The following SMIM36 variants were observed in gnomAD, a reference collection of about 807,000 sequenced individuals.
SMIM36 encodes small integral membrane protein 36.
chr17:55,527,613 A>G, the SMIM36 span: 1 of 152,172 alleles, frequency 6.6e-6, no homozygotes, highest in Non-Finnish European at 1.5e-5. Flanking sequence ...AATTTGAAGT[A>G]TCTTTTTCCT....
chr17:55,465,010 G>C (rs73318288), intron 4 of SMIM36, among the ~76,000 whole-genome samples: 12,315 of 152,236 alleles, frequency 0.081, 541 homozygotes, highest in South Asian at 0.14. Flanking sequence ...GATATCAGTC[G>C]ACTGTGTGAT....
chr17:55,522,533 G>A, the SMIM36 span, among the ~76,000 whole-genome samples: 6 of 152,186 alleles, frequency 3.9e-5, no homozygotes, highest in Admixed American at 1.3e-4. Flanking sequence ...TTGTGCAGGG[G>A]AACTCCCATT....
chr17:55,463,396 G>T (rs1909179073), intron 4 of SMIM36, among the ~76,000 whole-genome samples: 1 of 151,942 alleles, frequency 6.6e-6, no homozygotes. Flanking sequence ...CCTAAAAAAA[G>T]AAATAAAAAA....
intron 3 of SMIM36, among the ~76,000 whole-genome samples, chr17:55,478,449 C>T (rs903849225): frequency 6.6e-6 from 1 of 151,948 alleles, no homozygotes; most frequent in African/African-American, 2.4e-5. Flanking sequence ...AGGCTGATCT[C>T]GAACTCCTGG....
At chr17:55,525,917 C>T in the SMIM36 span, among the ~76,000 whole-genome samples, 10 of 152,240 alleles carry the variant, frequency 6.6e-5, no homozygotes, top group African/African-American at 2.4e-4. Context: ...CTCGACTTCT[C>T]AAACTGCTGG....
chr17:55,520,884 A>G, the SMIM36 span, among the ~76,000 whole-genome samples: 1 of 152,196 alleles, frequency 6.6e-6, no homozygotes, highest in Non-Finnish European at 1.5e-5. Context: ...TAATCCCAGC[A>G]TTTTGGGAGG....
intron 3 of SMIM36, among the ~76,000 whole-genome samples, chr17:55,470,141 C>G (rs1909317644): frequency 6.6e-6 from 1 of 152,152 alleles, no homozygotes; most frequent in African/African-American, 2.4e-5. Flanking sequence ...TAAGCCATGT[C>G]CCATCTGTGC....
chr17:55,509,541 A>G (rs1326011665), intron 1 of SMIM36, among the ~76,000 whole-genome samples: 1 of 152,132 alleles, frequency 6.6e-6, no homozygotes, highest in Admixed American at 6.5e-5. Context: ...CCTGCATCCT[A>G]TGCAGACTTC....
chr17:55,516,520 A>T, the SMIM36 span, among the ~76,000 whole-genome samples: 1 of 151,072 alleles, frequency 6.6e-6, no homozygotes, highest in Admixed American at 6.6e-5. Flanking sequence ...GCCAAAATGT[A>T]GGAAAGAGAA....
chr17:55,529,710 T>G, the SMIM36 span, among the ~76,000 whole-genome samples: 1 of 151,970 alleles, frequency 6.6e-6, no homozygotes, highest in African/African-American at 2.4e-5. Context: ...GAGGATCACT[T>G]GAGCCCAGAG....
intron 1 of SMIM36, among the ~76,000 whole-genome samples, chr17:55,489,239 G>T (rs575533554): frequency 3.3e-5 from 5 of 152,148 alleles, no homozygotes; most frequent in African/African-American, 9.6e-5. Flanking sequence ...TTAGCTAAGC[G>T]TGGTGGTGCA....
At chr17:55,531,600 T>G in the SMIM36 span, among the ~76,000 whole-genome samples, 2 of 152,222 alleles carry the variant, frequency 1.3e-5, no homozygotes, top group African/African-American at 2.4e-5. Flanking sequence ...CATGTTTTTA[T>G]GTATTGGCTG....
At chr17:55,518,925 A>G in the SMIM36 span, among the ~76,000 whole-genome samples, 7,112 of 152,150 alleles carry the variant, frequency 0.047, 530 homozygotes, top group African/African-American at 0.16. Flanking sequence ...TCAAAAGAGA[A>G]GAAAAATAAG....
At chr17:55,470,592 C>A (rs1407249633) in intron 3 of SMIM36, among the ~76,000 whole-genome samples, 7 of 152,116 alleles carry the variant, frequency 4.6e-5, no homozygotes, top group African/African-American at 1.4e-4. Context: ...TGCCCAGCTC[C>A]CTTATTAGGT....
At chr17:55,515,086 GTTTTTTTTTTTTT>G (rs1158864125), upstream of SMIM36, among the ~76,000 whole-genome samples, 2,297 of 54,100 alleles carry the variant, frequency 0.042, 81 homozygotes, top group African/African-American at 0.22. Flanking sequence ...CTAGTCTAGT[GTTTTTTTTTTTTT>G]TTTTTTTTTT....
chr17:55,479,566 AG>A (rs1853166723), exon 2 of SMIM36: 2 of 152,392 alleles, frequency 1.3e-5, no homozygotes, highest in Admixed American at 1.3e-4. Flanking sequence ...CCTGGGCAAC[AG>A]AGTGAGACTC....
At chr17:55,479,250 G>T (rs1366107815) in intron 2 of SMIM36, among the ~76,000 whole-genome samples, 1 of 152,206 alleles carries the variant, frequency 6.6e-6, no homozygotes, top group Non-Finnish European at 1.5e-5. Context: ...AGGACCACAG[G>T]CAGGTGTCAG....
chr17:55,477,940 A>G (rs1355718822), intron 3 of SMIM36, among the ~76,000 whole-genome samples: 5 of 151,950 alleles, frequency 3.3e-5, no homozygotes, highest in Non-Finnish European at 7.4e-5. Flanking sequence ...TTACCAAGGA[A>G]GCTGGGAAAG....
At chr17:55,485,896 C>T (rs1909597208) in intron 1 of SMIM36, among the ~76,000 whole-genome samples, 1 of 152,180 alleles carries the variant, frequency 6.6e-6, no homozygotes, top group African/African-American at 2.4e-5. Context: ...CACTAGCATC[C>T]ATATATATTC....
Sources: allele counts gnomAD v4.1 joint callset (sites outside exome capture counted in the v4.1 genomes callset), GRCh38; gene constraint gnomAD v4.1.1; transcripts MANE v1.5; gene names NCBI Gene and HGNC (gene_info 2026-07-23, HGNC 2026-07-21).